NDUFAF6: variants seen among roughly 807,000 people sequenced by gnomAD.
NDUFAF6 encodes NADH:ubiquinone oxidoreductase complex assembly factor 6.
NDUFAF6 carries 45 observed loss-of-function variants against 40.8 expected under a neutral mutation model. The ratio of observed to expected loss-of-function variants is 1.10; its 90% CI spans 0.87 to 1.42. The LOEUF (loss-of-function observed/expected upper bound fraction) is 1.42. Among genes scored for constraint, NDUFAF6 ranks in the 40% most tolerant of loss-of-function variants. The pLI is 0.00. For missense variants in NDUFAF6, 435 were observed against 418.5 expected, an observed-to-expected ratio of 1.04 and a Z score of -0.34; for synonymous variants, 185 against 155.9, an observed-to-expected ratio of 1.19 and a Z score of -1.39.
At chr8:95,009,327 A>G (rs1484318482) in intron 2 of NDUFAF6, among the ~76,000 whole-genome samples, 1 of 151,466 alleles carries the variant, frequency 6.6e-6, no homozygotes, top group Admixed American at 6.6e-5. Context: ...ATACGTAAGC[A>G]AATATCACTC....
At chr8:94,981,063 TA>T (rs1825403148) in intron 2 of NDUFAF6, 2 of 440,230 alleles carry the variant, frequency 4.5e-6, no homozygotes, top group South Asian at 3.2e-5. Context: ...TAATATGGTT[TA>T]TCCCCACAAA....
At chr8:95,112,078 G>A (rs1810013185) in intron 4 of NDUFAF6, among the ~76,000 whole-genome samples, 1 of 152,078 alleles carries the variant, frequency 6.6e-6, no homozygotes, top group African/African-American at 2.4e-5. Context: ...CCTCAAAGAT[G>A]TCCACCTCCT....
chr8:95,105,066 CAGAGAGAGAGAGAGAGAG>C (rs55705930), downstream of NDUFAF6, among the ~76,000 whole-genome samples: 597 of 72,866 alleles, frequency 8.2e-3, 3 homozygotes, highest in Middle Eastern at 0.019. Context: ...CACACACACA[CAGAGAGAGAGAGAGAGAG>C]AGAGAGAGAG....
In NDUFAF6 at chr8:95,075,063, A is replaced by G. The variant is rs1363316672; in HGVS notation, c.*512-570A>G. ...TCCCTCACTGATTGTTGGTAGGTCA[A>G]CAACGGCCCAGACTTGGACAGCTGA... On this transcript the variant is annotated intron_variant and NMD_transcript_variant, in intron 9 of 9. Coordinates refer to the NDUFAF6 transcript ENST00000520757. 3.3e-5 allele frequency among the ~76,000 whole-genome samples: 5 copies of G among 152,312 alleles called. No homozygotes were observed. The East Asian group carries it at 9.6e-4, about 29-fold the overall frequency.
intron 2 of NDUFAF6, among the ~76,000 whole-genome samples, chr8:94,946,216 A>C (rs1821975157): frequency 6.6e-6 from 1 of 151,892 alleles, no homozygotes; most frequent in African/African-American, 2.4e-5. Flanking sequence ...AATGGTTTTC[A>C]TATTATTACA....
intron 6 of NDUFAF6, among the ~76,000 whole-genome samples, chr8:95,047,717 GC>G (rs1205427889): frequency 6.6e-6 from 1 of 151,538 alleles, no homozygotes; most frequent in African/African-American, 2.4e-5. Context: ...CACCATGTTA[GC>G]CAGGATGGTC....
chr8:94,924,148 C>T, intron 1 of NDUFAF6, among the ~76,000 whole-genome samples: 1 of 152,122 alleles, frequency 6.6e-6, no homozygotes, highest in East Asian at 1.9e-4. Flanking sequence ...ACAACCTCCG[C>T]CTCCCGGGTT....
intron 1 of NDUFAF6, among the ~76,000 whole-genome samples, chr8:94,938,440 G>A (rs895169223): frequency 4.6e-5 from 7 of 152,228 alleles, no homozygotes; most frequent in Non-Finnish European, 8.8e-5. Flanking sequence ...AACCTCCAAT[G>A]TGGAAAGCGT....
chr8:94,931,981 AAG>A (rs539761545), intron 1 of NDUFAF6: 2 of 1,350,854 alleles, frequency 1.5e-6, no homozygotes, highest in South Asian at 1.3e-5. Context: ...CAAAAAAAGA[AAG>A]AAAGTCATTT....
At chr8:95,027,835 A>C (rs1447695212) in intron 1 of NDUFAF6, among the ~76,000 whole-genome samples, 2 of 152,224 alleles carry the variant, frequency 1.3e-5, no homozygotes, top group Non-Finnish European at 2.9e-5. Context: ...CGTGCATTTT[A>C]TGCAAGGCCT....
downstream of NDUFAF6, among the ~76,000 whole-genome samples, chr8:95,117,063 A>G (rs534228687): frequency 6.6e-5 from 10 of 152,216 alleles, no homozygotes; most frequent in Non-Finnish European, 1.2e-4. Context: ...CCTGGGCTTC[A>G]TACTAATGGG....
chr8:94,941,047 G>A (rs1206575857), intron 1 of NDUFAF6: 3 of 760,212 alleles, frequency 3.9e-6, no homozygotes, highest in Admixed American at 2.6e-5. Context: ...AAAGTGCACA[G>A]GGTGCTTATT....
At chr8:94,960,728 C>A (rs771826045) in intron 1 of NDUFAF6, among the ~76,000 whole-genome samples, 6 of 152,192 alleles carry the variant, frequency 3.9e-5, no homozygotes, top group Non-Finnish European at 8.8e-5. Flanking sequence ...TCATGGAAAC[C>A]ACCTGTAGCA....
intron 2 of NDUFAF6, among the ~76,000 whole-genome samples, chr8:95,087,028 G>A (rs915360570): frequency 6.6e-6 from 1 of 151,914 alleles, no homozygotes; most frequent in Non-Finnish European, 1.5e-5. Flanking sequence ...ACCATTAGCA[G>A]TTTGTGGGAG....
Position 95,025,068 on chromosome 8 carries a change from G to A in NDUFAF6, c.60G>A (p.Leu20=). 6.9e-7 allele frequency: 1 copy of A among 1,441,904 alleles called. No homozygotes were observed. The highest frequency in any genetic ancestry group is 3.0e-5 in the East Asian group (1 of 33,846). 89.3% of individuals were successfully genotyped at this position (1,441,904 alleles called of 1,614,324 possible). A position where few individuals can be genotyped will look rare whatever the true frequency, so the allele number is the denominator to read the frequency against. The change falls in exon 1 of 9, where the codon CTG becomes CTA. Residue 20 remains leucine, a synonymous_variant. Coordinates refer to ENST00000396124, the MANE Select transcript of NDUFAF6 (RefSeq NM_152416.4). ...WGPLRLGIPG[L]CCRRPPLGLY... The stretch of plus-strand genomic sequence containing the variant: ...CGTTGCGGCTTGGCATCCCCGGCCT[G>A]TGCTGCCGCCGGCCGCCTCTGGGTC...
intron 2 of NDUFAF6, among the ~76,000 whole-genome samples, chr8:95,001,780 TG>T (rs144068359): frequency 0.01 from 1,536 of 152,254 alleles, 26 homozygotes; most frequent in African/African-American, 0.035. Context: ...AATCATGCAT[TG>T]GAGGAAAAGA....
chr8:95,097,472 T>A (rs965781915), upstream of NDUFAF6, among the ~76,000 whole-genome samples: 1 of 151,552 alleles, frequency 6.6e-6, no homozygotes, highest in African/African-American at 2.4e-5. Context: ...CTGAGGCGGG[T>A]GGATCATCTG....
chr8:95,036,657 G>A (rs1365368101), intron 3 of NDUFAF6, among the ~76,000 whole-genome samples: 18 of 152,330 alleles, frequency 1.2e-4, no homozygotes, highest in Admixed American at 5.9e-4. Context: ...TAAGACTTGC[G>A]TAAAAGGTTC....
intron 1 of NDUFAF6, among the ~76,000 whole-genome samples, chr8:94,917,124 AAAAAG>A (rs1226888977): frequency 1.3e-4 from 20 of 151,894 alleles, no homozygotes; most frequent in South Asian, 2.1e-4. Flanking sequence ...AAAAAAAAAA[AAAAAG>A]AAAGAAAAAA....
Sources: allele counts gnomAD v4.1 joint callset (sites outside exome capture counted in the v4.1 genomes callset), GRCh38; gene constraint gnomAD v4.1.1; transcripts MANE v1.5; gene names NCBI Gene and HGNC (gene_info 2026-07-23, HGNC 2026-07-21).